USP20: variants seen among roughly 807,000 people sequenced by gnomAD.
USP20 encodes ubiquitin carboxyl-terminal hydrolase 20.
Under a neutral mutation model 124.2 loss-of-function variants are expected in USP20, and 80 were observed. The ratio of observed to expected loss-of-function variants is 0.64; its 90% CI spans 0.54 to 0.78. The LOEUF is 0.78. Among genes scored for constraint, USP20 ranks in the 30% least tolerant of loss-of-function variants. The probability of loss-of-function intolerance (pLI) is 0.00; values close to 1 mark genes in which losing one functional copy is unlikely to be tolerated. For missense variants in USP20, 1,043 were observed against 1,244.4 expected (o/e 0.84, Z 2.44); for synonymous variants, 481 against 512.3 (o/e 0.94, Z 0.83).
chr9:129,853,973 A>G (rs2033080904), intron 3 of USP20, among the ~76,000 whole-genome samples: 1 of 141,490 alleles, frequency 7.1e-6, no homozygotes, highest in South Asian at 2.4e-4. Context: ...ACAAAATAAA[A>G]CCAACACCGT....
At chr9:129,842,573 ATT>A (rs760863029) in intron 1 of USP20, among the ~76,000 whole-genome samples, 109 of 150,056 alleles carry the variant, frequency 7.3e-4, no homozygotes, top group Middle Eastern at 6.8e-3. Context: ...TGCTTCCGAT[ATT>A]TTAGGTCCTG....
intron 6 of USP20, 79 bp from the exon 7 acceptor site, chr9:129,860,857 TC>T: frequency 6.8e-7 from 1 of 1,462,408 alleles, no homozygotes; most frequent in Non-Finnish European, 9.5e-7. Flanking sequence ...GGGCTGGACT[TC>T]CAGCCCTTGG....
At position 129,858,458 on chromosome 9, in the gene USP20, A is replaced by G. The variant is rs769843480; in HGVS notation, c.199-9A>G. Reference sequence around the variant, plus strand: ...TGCCCTGGACCTTGTTTTGGATATCACCCTCTAGGCAAAAAAGCACAACTT... The same window carrying G: ...TGCCCTGGACCTTGTTTTGGATATCGCCCTCTAGGCAAAAAAGCACAACTT... On this transcript the variant is annotated splice_polypyrimidine_tract_variant and intron_variant, in intron 5 of 25. Coordinates refer to ENST00000372429, the MANE Select transcript of USP20 (RefSeq NM_001110303.4). 13 of 1,613,908 alleles carry G rather than the reference A, an allele frequency of 8.1e-6. No individual in the cohort carries two copies. The highest frequency in any genetic ancestry group is 1.0e-5 in the Non-Finnish European group (12 of 1,179,988).
At chr9:129,852,673 C>G in intron 3 of USP20, 37 bp downstream of exon 3, 1 of 1,550,104 alleles carries the variant, frequency 6.5e-7, no homozygotes, top group East Asian at 2.4e-5. Context: ...GGGCCCACAC[C>G]CAGGGCTGCC....
At chr9:129,878,946 C>T (rs1322053710) in intron 23 of USP20, among the ~76,000 whole-genome samples, 5 of 152,324 alleles carry the variant, frequency 3.3e-5, no homozygotes, top group East Asian at 1.9e-4. Flanking sequence ...CTCCGGGGCC[C>T]GGCAGGGTGG....
intron 1 of USP20, among the ~76,000 whole-genome samples, chr9:129,843,867 C>A (rs530169972): frequency 1.6e-4 from 25 of 152,232 alleles, no homozygotes; most frequent in African/African-American, 5.8e-4. Flanking sequence ...AGTTCCAGAC[C>A]AATCTGGGCA....
rs972888364 is a variant in USP20, at chr9:129,839,033, G to A, written c.-129+3534G>A. On this transcript the variant is annotated intron_variant, in intron 1 of 25. Transcript: ENST00000372429. This position sits in a 1 kb window ranked among gnomAD's most constrained non-coding sequence, Gnocchi z 4.5. ...GTGAGGAAGCTTCCTTGGAGTACGC[G>A]TGTTTGGATTTGGGGAGGTGAAGGT... 2.0e-5 allele frequency among the ~76,000 whole-genome samples: 3 copies of A among 152,184 alleles called. No individual in the cohort carries two copies. Among genetic ancestry groups the A allele is most frequent in the African/African-American group, 7.2e-5 (3 of 41,446 alleles).
At chr9:129,865,067 G>T (rs567685662) in intron 9 of USP20, among the ~76,000 whole-genome samples, 76 of 152,338 alleles carry the variant, frequency 5.0e-4, no homozygotes, top group Admixed American at 1.5e-3. Flanking sequence ...GCACCAGAAG[G>T]AAATGATGCT....
In USP20 at chr9:129,881,534, T is replaced by G. The variant is rs1202356404; in HGVS notation, c.*1084T>G. The G allele has an allele frequency of 6.6e-6, 1 of 152,308 alleles. No homozygotes were observed. Among genetic ancestry groups the G allele is most frequent in the African/African-American group, 2.4e-5 (1 of 41,478 alleles). The allele number at this position is 152,308 out of a possible 1,614,324, so 9.4% of individuals were successfully genotyped here. On this transcript the variant is annotated 3_prime_UTR_variant, in exon 26 of 26. Coordinates refer to ENST00000372429, the MANE Select transcript of USP20 (RefSeq NM_001110303.4). ...CAGACCCCCCACACTACTGCGTCTT[T>G]GTTTCTATCAGTCTTTGTAGAAGCA...
At chr9:129,873,939 C>T (rs1203271108) in intron 17 of USP20, among the ~76,000 whole-genome samples, 195 bp downstream of exon 17, 1 of 152,124 alleles carries the variant, frequency 6.6e-6, no homozygotes, top group African/African-American at 2.4e-5. Flanking sequence ...TGACTTGGTG[C>T]CCTCTCTCGG....
chr9:129,851,923 C>A (rs1290034049), intron 2 of USP20, among the ~76,000 whole-genome samples: 2 of 152,128 alleles, frequency 1.3e-5, no homozygotes, highest in African/African-American at 4.8e-5. Context: ...TTTCTCCCTG[C>A]TCTCAGAAGA....
intron 1 of USP20, among the ~76,000 whole-genome samples, chr9:129,840,794 G>A (rs1463552909): frequency 1.5e-5 from 2 of 131,688 alleles, no homozygotes; most frequent in East Asian, 2.6e-4. Flanking sequence ...TTTTGAGATA[G>A]GGTCTTGCTC....
chr9:129,869,579 G>T, intron 13 of USP20, 93 bp from the exon 14 acceptor site: 1 of 1,567,222 alleles, frequency 6.4e-7, no homozygotes. Context: ...CTATGGCCTG[G>T]GGAGTAGTCC....
Position 129,865,311 on chromosome 9 carries a change from A to T in USP20, c.620A>T (p.Tyr207Phe). The change falls in exon 10 of 26, where the codon TAC becomes TTC. Residue 207 changes from tyrosine (Y) to phenylalanine (F), a missense_variant. Transcript: ENST00000372429. ...GTTTGGGCTTCCTACAGGCCAAGCT[A>T]CGTGGTCCCCACCAGTCTGTCTCAT... ...SEVWHKKRPSYVVPTSLSHGI... is the reference protein window; with the variant it reads ...SEVWHKKRPSFVVPTSLSHGI... 2.5e-6 allele frequency: 4 copies of T among 1,614,116 alleles called. No individual in the cohort carries two copies. Among genetic ancestry groups the T allele is most frequent in the Non-Finnish European group, 3.4e-6 (4 of 1,179,962 alleles).
Position 129,858,533 on chromosome 9 carries a change from G to T in USP20, c.265G>T (p.Glu89Ter). The T allele has an allele frequency of 6.2e-7, 1 of 1,614,214 alleles. No individual in the cohort carries two copies. Among genetic ancestry groups the T allele is most frequent in the Non-Finnish European group, 8.5e-7 (1 of 1,180,026 alleles). ...ACTGTGGTGTTACGCCTGTGAGAAG[G>T]AGGTATTCCTGGAGCAGCGGCTGGC... ...FRLWCYACEK[E>*]VFLEQRLAAP... The change falls in exon 6 of 26, where the codon GAG (glutamate) becomes TAG (stop). Residue 89 changes from glutamate (E) to a stop codon, truncating the protein, a stop_gained. Transcript: ENST00000372429. LOFTEE classifies it high-confidence loss of function.
At chr9:129,853,380 A>T (rs1031726576) in intron 3 of USP20, among the ~76,000 whole-genome samples, 1 of 152,178 alleles carries the variant, frequency 6.6e-6, no homozygotes, top group East Asian at 1.9e-4. Context: ...GCTGCATCAT[A>T]TTTCATCATG....
chr9:129,844,866 A>G (rs1387177014), intron 1 of USP20, among the ~76,000 whole-genome samples: 1 of 151,678 alleles, frequency 6.6e-6, no homozygotes, highest in Non-Finnish European at 1.5e-5. Context: ...TGAATACAAC[A>G]TGGAGGTAAA....
chr9:129,871,378 T>C (rs1286707605), intron 15 of USP20, among the ~76,000 whole-genome samples: 1 of 152,240 alleles, frequency 6.6e-6, no homozygotes, highest in Non-Finnish European at 1.5e-5. Context: ...GGTTATTTAT[T>C]GTTCCATTGT....
At chr9:129,861,299 G>C (rs552729164) in intron 7 of USP20, among the ~76,000 whole-genome samples, 1 of 152,314 alleles carries the variant, frequency 6.6e-6, no homozygotes, top group South Asian at 2.1e-4. Flanking sequence ...TCTGGACAGT[G>C]GGCCTGGCTG....
Sources: allele counts gnomAD v4.1 joint callset (sites outside exome capture counted in the v4.1 genomes callset), GRCh38; gene constraint gnomAD v4.1.1; non-coding constraint Gnocchi (gnomAD v3.1); transcripts MANE v1.5; gene names NCBI Gene and HGNC (gene_info 2026-07-23, HGNC 2026-07-21).